The following PM20D1 variants were observed in gnomAD, a reference collection of about 807,000 sequenced individuals.
PM20D1 encodes the protein N-fatty-acyl-amino acid synthase/hydrolase PM20D1.
In PM20D1, 53 loss-of-function variants were observed where a neutral mutation model predicts 53.8. That is an observed-to-expected ratio of 0.98 (90% confidence interval 0.79 to 1.24). PM20D1 has a LOEUF of 1.24. Among genes scored for constraint, PM20D1 ranks in the 50% most tolerant of loss-of-function variants. PM20D1 has a pLI of 0.00. For missense variants in PM20D1, 564 were observed against 616.8 expected, an observed-to-expected ratio of 0.91 and a Z score of 0.91; for synonymous variants, 239 against 241.3, an observed-to-expected ratio of 0.99 and a Z score of 0.09.
chr1:205,831,699 G>C (rs553126480), intron 11 of PM20D1, among the ~76,000 whole-genome samples: 1 of 151,958 alleles, frequency 6.6e-6, no homozygotes, highest in African/African-American at 2.4e-5. Context: ...GAGTAGCTGG[G>C]ACTACAGGCG....
At chr1:205,840,029 G>T (rs1656770999) in intron 10 of PM20D1, among the ~76,000 whole-genome samples, 1 of 151,192 alleles carries the variant, frequency 6.6e-6, no homozygotes, top group South Asian at 2.1e-4. Context: ...TATAGGTATT[G>T]CTATCATTTA....
At chr1:205,848,551 A>G (rs1260530106) in intron 1 of PM20D1, among the ~76,000 whole-genome samples, 6 of 152,172 alleles carry the variant, frequency 3.9e-5, no homozygotes, top group Non-Finnish European at 7.4e-5. Flanking sequence ...CAGTCCTAAA[A>G]TAATCTCACC....
intron 12 of PM20D1, among the ~76,000 whole-genome samples, chr1:205,829,307 G>A (rs1041429221): frequency 7.9e-5 from 12 of 152,184 alleles, no homozygotes; most frequent in African/African-American, 2.9e-4. Flanking sequence ...GGGATTATAG[G>A]TGTGAGTCAC....
At chr1:205,838,926 C>T (rs926630676) in intron 10 of PM20D1, among the ~76,000 whole-genome samples, 73 of 152,184 alleles carry the variant, frequency 4.8e-4, no homozygotes, top group Non-Finnish European at 2.9e-4. Flanking sequence ...CTCCACCCCA[C>T]GAGCATGGCC....
Position 205,843,696 on chromosome 1 carries a change from G to A in PM20D1, c.798C>T (p.Ser266=). ...TGACAGCAGCTGCAAGGATGCCAAT[G>A]CTTGTCTCCTTTGGAGGAGCTGAAG... is the stretch of plus-strand genomic sequence containing the variant. The part of the protein sequence containing the change: ...GHSSAPPKET[S]IGILAAAVSR... Residue 266 remains serine (S), a synonymous_variant, in exon 6 of 13, where the codon AGC becomes AGT. Coordinates refer to ENST00000367136, the MANE Select transcript of PM20D1 (RefSeq NM_152491.5). 6.2e-7 allele frequency: 1 copy of A among 1,614,126 alleles called. No homozygotes were observed. The highest frequency in any genetic ancestry group is 8.5e-7 in the Non-Finnish European group (1 of 1,180,036).
In PM20D1 at chr1:205,850,125, C is replaced by T. The variant is rs939254597; in HGVS notation, c.-53G>A. On this transcript the variant is annotated 5_prime_UTR_variant, in exon 1 of 13. Transcript: ENST00000367136. ...TACCGGGGTAGTTCTGACCTAAACG[C>T]CCAGACTAGCGTTTCTTGGCCCTAG... 5 of 1,563,728 alleles carry T rather than the reference C, an allele frequency of 3.2e-6. No individual in the cohort carries two copies. In the African/African-American group the frequency reaches 6.8e-5, roughly 21 times the overall value.
In PM20D1 at chr1:205,832,694, G is replaced by C; in HGVS notation, c.1189C>G (p.Leu397Val). 6.2e-7 allele frequency: 1 copy of C among 1,614,060 alleles called. No homozygotes were observed. Among genetic ancestry groups the C allele is most frequent in the East Asian group, 2.2e-5 (1 of 44,884 alleles). Residue 397 changes from leucine (L) to valine (V), a missense_variant, in exon 11 of 13, where the codon CTC (leucine) becomes GTC (valine). Coordinates refer to ENST00000367136, the MANE Select transcript of PM20D1 (RefSeq NM_152491.5). ...QFHVLSAFDP[L>V]PVSPSDDKAL... ...TTGTCATCAGAAGGGCTGACGGGGA[G>C]GGGGTCAAAGGCACTCAACACATGG...
rs148054590 is a variant in PM20D1 at position 205,847,907 on chromosome 1, C to G, written c.234G>C (p.Glu78Asp). Residue 78 changes from glutamate to aspartate, a missense_variant, in exon 2 of 13, where the codon GAG becomes GAC. Physicochemically the swap from Glu to Asp is conservative, Grantham distance 45. Coordinates refer to ENST00000367136, the MANE Select transcript of PM20D1 (RefSeq NM_152491.5). ...SEKSNTTALA[E>D]FGKYIHKVFP... ...GACCTTTATGAATGTATTTTCCGAACTCAGCCAGGGCTGTAGTATTGGACT... is the reference window on the plus strand; with the variant it reads ...GACCTTTATGAATGTATTTTCCGAAGTCAGCCAGGGCTGTAGTATTGGACT... 7.4e-4 allele frequency: 1,190 copies of G among 1,599,954 alleles called. 2 individuals carry two copies. The highest frequency in any genetic ancestry group is 2.7e-3 in the Middle Eastern group (16 of 5,928).
At chr1:205,840,452 C>T in intron 9 of PM20D1, 129 bp from the exon 10 acceptor site, 2 of 690,588 alleles carry the variant, frequency 2.9e-6, no homozygotes, top group Middle Eastern at 3.0e-4. Context: ...CAAGGCTTAG[C>T]TTTTCTAGTC....
chr1:205,832,865 C>T, intron 10 of PM20D1, 99 bp from the exon 11 acceptor site: 1 of 1,362,768 alleles, frequency 7.3e-7, no homozygotes, highest in Non-Finnish European at 9.8e-7. Context: ...AAGGCAGAGC[C>T]TCAGGGTTTA....
chr1:205,846,785 T>C (rs1446691988), intron 2 of PM20D1, among the ~76,000 whole-genome samples: 1 of 152,114 alleles, frequency 6.6e-6, no homozygotes, highest in African/African-American at 2.4e-5. Context: ...TCTGGGTTTT[T>C]TGGAAGAATT....
At chr1:205,842,777 A>G (rs888444270) in intron 6 of PM20D1, 26 bp from the exon 7 acceptor site, 11 of 1,608,496 alleles carry the variant, frequency 6.8e-6, no homozygotes, top group African/African-American at 2.7e-5. Flanking sequence ...AGTCCTCAAG[A>G]CTTAGCGAAC....
rs1427030382 is a variant in PM20D1 at position 205,841,840 on chromosome 1, C to T, written c.1015G>A (p.Ala339Thr). 5 of 1,569,580 alleles carry T rather than the reference C, an allele frequency of 3.2e-6. No homozygotes were observed. The highest frequency in any genetic ancestry group is 4.3e-6 in the Non-Finnish European group (5 of 1,154,446). ...LTNAIIRTTT[A>T]LTIFKAGVKF... is the part of the protein sequence containing the mutation. ...ACCCCTGCTTTGAATATGGTGAGTG[C>T]CGTGGTGGTCCTGATTATTGCATTG... Residue 339 changes from alanine to threonine, a missense_variant, in exon 9 of 13, where the codon GCA (alanine) becomes ACA (threonine). By Grantham distance (58) the Ala-to-Thr change is moderately conservative. Coordinates refer to ENST00000367136, the MANE Select transcript of PM20D1 (RefSeq NM_152491.5).
At chr1:205,843,594 C>G in intron 6 of PM20D1, 73 bp downstream of exon 6, 2 of 1,547,176 alleles carry the variant, frequency 1.3e-6, no homozygotes. Flanking sequence ...TTAGCCTCCT[C>G]AAATTTAAAG....
chr1:205,834,023 T>C lies in PM20D1; in HGVS notation c.1117-1257A>G, dbSNP rs542259641. On this transcript the variant is annotated intron_variant, in intron 10 of 12. Transcript: ENST00000367136. ...CCACTATGCCTGACTAATTTTTGTA[T>C]TTTTAGTAGAGACTGGGTTTCACCA... is the stretch of plus-strand genomic sequence containing the variant. Among the ~76,000 whole-genome samples the C allele has an allele frequency of 2.2e-4, 33 of 151,526 alleles. No homozygotes were observed. In the South Asian group the frequency reaches 4.0e-3, roughly 18 times the overall value.
intron 10 of PM20D1, among the ~76,000 whole-genome samples, chr1:205,834,156 C>CTTTT (rs34037383): frequency 7.9e-6 from 1 of 126,562 alleles, no homozygotes; most frequent in African/African-American, 3.0e-5. Flanking sequence ...CCAAGAGTAC[C>CTTTT]TTTTTTTTTT....
intron 12 of PM20D1, 36 bp from the exon 13 acceptor site, chr1:205,828,779 A>T (rs1404600138): frequency 5.0e-6 from 8 of 1,611,800 alleles, no homozygotes; most frequent in Non-Finnish European, 5.1e-6. Context: ...GAAGGAGGGG[A>T]GGGCCAAGTG....
At chr1:205,847,710 C>T (rs1342653297) in intron 2 of PM20D1, among the ~76,000 whole-genome samples, 175 bp downstream of exon 2, 1 of 151,554 alleles carries the variant, frequency 6.6e-6, no homozygotes, top group Non-Finnish European at 1.5e-5. Context: ...CAATCTTTGC[C>T]CTACATATGG....
intron 12 of PM20D1, 64 bp from the exon 13 acceptor site, chr1:205,828,807 T>C (rs1470578019): frequency 1.9e-6 from 3 of 1,594,504 alleles, no homozygotes; most frequent in African/African-American, 2.7e-5. Flanking sequence ...ACAAGTGTTA[T>C]CACAGAGCAC....
Sources: gnomAD v4.1 joint callset for allele counts (sites outside exome capture counted in the v4.1 genomes callset) on GRCh38, gnomAD v4.1.1 for gene constraint, MANE v1.5 for transcripts, NCBI Gene and HGNC (gene_info 2026-07-23, HGNC 2026-07-21) for gene names.